The following GRM5 variants were observed in gnomAD, a reference collection of about 807,000 sequenced individuals.
GRM5 encodes metabotropic glutamate receptor 5.
GRM5 carries 19 observed loss-of-function variants against 83.1 expected under a neutral mutation model. The observed-to-expected ratio is 0.23, with a 90% CI of 0.16 to 0.34. The LOEUF (loss-of-function observed/expected upper bound fraction) is 0.34, where lower values mean the gene tolerates loss of function less well. GRM5 is among the 10% of genes least tolerant of loss of function. GRM5 has a pLI of 1.00. For synonymous variants in GRM5, 675 were observed against 633.6 expected (o/e 1.07, Z -0.98); for missense variants, 1,160 against 1,588.3 (o/e 0.73, Z 4.58).
intron 4 of GRM5, among the ~76,000 whole-genome samples, chr11:88,624,660 C>T (rs533249990): frequency 3.2e-4 from 48 of 152,152 alleles, no homozygotes; most frequent in Non-Finnish European, 4.4e-4. Flanking sequence ...CCAGCCTGGG[C>T]GACAGAGCAA....
intron 2 of GRM5, among the ~76,000 whole-genome samples, chr11:88,890,591 T>C (rs559476380): frequency 6.6e-6 from 1 of 152,130 alleles, no homozygotes; most frequent in Non-Finnish European, 1.5e-5. Context: ...TAAGGATTAT[T>C]GGTAAAATGC....
chr11:89,031,613 C>CAA (rs1941265204), intron 2 of GRM5, among the ~76,000 whole-genome samples: 1 of 151,696 alleles, frequency 6.6e-6, no homozygotes, highest in Non-Finnish European at 1.5e-5. Context: ...CAAAAACATC[C>CAA]AATATTATGT....
chr11:89,055,760 T>C (rs1333208860), intron 1 of GRM5, among the ~76,000 whole-genome samples: 3 of 152,120 alleles, frequency 2.0e-5, no homozygotes, highest in Non-Finnish European at 2.9e-5. Flanking sequence ...ATATCTTTCA[T>C]ATAAGTTCAT....
intron 3 of GRM5, among the ~76,000 whole-genome samples, chr11:88,727,722 G>A (rs1254331060): frequency 1.3e-5 from 2 of 152,192 alleles, no homozygotes; most frequent in Non-Finnish European, 2.9e-5. Flanking sequence ...TCAGGATTAA[G>A]AAAGTCACTC....
At chr11:88,663,783 G>A (rs1455176216) in intron 3 of GRM5, among the ~76,000 whole-genome samples, 3 of 152,076 alleles carry the variant, frequency 2.0e-5, no homozygotes, top group African/African-American at 7.2e-5. Context: ...CTTTTATGAA[G>A]GCCAAACAGC....
intron 7 of GRM5, among the ~76,000 whole-genome samples, chr11:88,570,129 T>C (rs1178227873): frequency 6.6e-6 from 1 of 152,174 alleles, no homozygotes; most frequent in African/African-American, 2.4e-5. Context: ...AGATCTCACA[T>C]TTCAGATAGT....
At chr11:88,544,279 G>A (rs768824231) in intron 8 of GRM5, among the ~76,000 whole-genome samples, 1 of 152,176 alleles carries the variant, frequency 6.6e-6, no homozygotes, top group Non-Finnish European at 1.5e-5. Flanking sequence ...AATGGTACCT[G>A]TTTATTATGA....
chr11:88,697,693 C>G (rs1458003516), intron 3 of GRM5, among the ~76,000 whole-genome samples: 2 of 152,160 alleles, frequency 1.3e-5, no homozygotes, highest in Non-Finnish European at 2.9e-5. Context: ...TTTGTCTAGA[C>G]AGAGGTTTTA....
chr11:88,925,479 A>G (rs907218015), intron 2 of GRM5, among the ~76,000 whole-genome samples: 1 of 152,122 alleles, frequency 6.6e-6, no homozygotes, highest in Non-Finnish European at 1.5e-5. Context: ...CATCCTTACA[A>G]CATAACCTTA....
intron 7 of GRM5, among the ~76,000 whole-genome samples, chr11:88,578,533 A>T (rs958950167): frequency 1.3e-5 from 2 of 152,170 alleles, no homozygotes; most frequent in Admixed American, 1.3e-4. Flanking sequence ...AACATTTTTC[A>T]TCGAGTGGTT....
At chr11:88,703,042 A>G (rs1158819632) in intron 3 of GRM5, among the ~76,000 whole-genome samples, 1 of 151,954 alleles carries the variant, frequency 6.6e-6, no homozygotes, top group Non-Finnish European at 1.5e-5. Context: ...GGGGGATATA[A>G]TATCTTGTTT....
At chr11:88,923,004 T>C (rs935170820) in intron 2 of GRM5, among the ~76,000 whole-genome samples, 1 of 151,750 alleles carries the variant, frequency 6.6e-6, no homozygotes, top group Non-Finnish European at 1.5e-5. Context: ...ATCAGAGAAA[T>C]GTGAATCAAA....
intron 4 of GRM5, among the ~76,000 whole-genome samples, chr11:88,617,813 G>A (rs1279688986): frequency 3.3e-5 from 5 of 152,162 alleles, no homozygotes; most frequent in African/African-American, 9.7e-5. Flanking sequence ...GGGACAGAAA[G>A]TGAGAGGCAG....
intron 2 of GRM5, among the ~76,000 whole-genome samples, chr11:88,940,367 AT>A (rs1233222151): frequency 2.2e-4 from 32 of 145,338 alleles, no homozygotes; most frequent in African/African-American, 5.0e-4. Flanking sequence ...TCCAGGGACA[AT>A]TTTTTTTTTC....
intron 1 of GRM5, among the ~76,000 whole-genome samples, chr11:89,062,929 G>C (rs1942023660): frequency 6.6e-6 from 1 of 152,240 alleles, no homozygotes; most frequent in Admixed American, 6.5e-5. Flanking sequence ...GTGTTCGAGG[G>C]GAAAGATAAA....
chr11:89,036,058 A>G (rs1941377083), intron 2 of GRM5, among the ~76,000 whole-genome samples: 1 of 152,042 alleles, frequency 6.6e-6, no homozygotes, highest in African/African-American at 2.4e-5. Flanking sequence ...GAAAATGTAA[A>G]AAAGAATTCA....
intron 2 of GRM5, among the ~76,000 whole-genome samples, chr11:88,881,317 T>G (rs528295158): frequency 6.8e-4 from 103 of 150,938 alleles, no homozygotes; most frequent in African/African-American, 2.4e-3. Context: ...TCAACCATAA[T>G]AGGCCTAAAA....
At chr11:88,755,472 A>T (rs1942377434) in intron 3 of GRM5, among the ~76,000 whole-genome samples, 1 of 152,196 alleles carries the variant, frequency 6.6e-6, no homozygotes, top group Admixed American at 6.6e-5. Flanking sequence ...TTAAGTGAAC[A>T]GTGTCCTATC....
intron 2 of GRM5, among the ~76,000 whole-genome samples, chr11:88,975,655 C>T (rs543830403): frequency 1.3e-5 from 2 of 152,318 alleles, no homozygotes; most frequent in South Asian, 4.1e-4. Context: ...GATCTACTGA[C>T]TCAGAAACTG....
Sources: allele counts gnomAD v4.1 joint callset (sites outside exome capture counted in the v4.1 genomes callset), GRCh38; gene constraint gnomAD v4.1.1; transcripts MANE v1.5; gene names NCBI Gene and HGNC (gene_info 2026-07-23, HGNC 2026-07-21).